SETD4: variants seen among roughly 807,000 people sequenced by gnomAD.
The protein encoded by SETD4 is SET domain containing 4.
In SETD4, 46 loss-of-function variants were observed where a neutral mutation model predicts 58.3. The ratio of observed to expected loss-of-function variants is 0.79; its 90% CI spans 0.62 to 1.01. The LOEUF is 1.01. SETD4 is among the 50% of genes least tolerant of loss of function. SETD4 has a pLI of 0.00. For missense variants in SETD4, 490 were observed against 523.3 expected (o/e 0.94, Z 0.62); for synonymous variants, 190 against 202.6 (o/e 0.94, Z 0.53).
intron 3 of SETD4, 126 bp downstream of exon 3, chr21:36,056,983 C>A (rs2123775160): frequency 1.3e-6 from 1 of 748,662 alleles, no homozygotes; most frequent in East Asian, 2.5e-5. Context: ...CTCCTCCAAC[C>A]CAAGGGGAAC....
chr21:36,048,953 C>T lies in SETD4; in HGVS notation c.208-557G>A, dbSNP rs8133402. Among the ~76,000 whole-genome samples, 1,049 of 152,142 alleles carry T rather than the reference C, an allele frequency of 6.9e-3. 6 individuals are homozygous for T. Among genetic ancestry groups the T allele is most frequent in the African/African-American group, 0.023 (971 of 41,482 alleles). ...CACTTTCTTATGCCAGGAAATAGTG[C>T]TACCAATAGTAAACAGACAGAAACT... On this transcript the variant is annotated intron_variant, in intron 4 of 11. Coordinates refer to ENST00000332131, the MANE Select transcript of SETD4 (RefSeq NM_017438.5).
At chr21:36,052,577 G>A (rs1258777573) in intron 4 of SETD4, among the ~76,000 whole-genome samples, 7 of 146,644 alleles carry the variant, frequency 4.8e-5, no homozygotes, top group African/African-American at 1.5e-4. Context: ...AAAAAAAAAG[G>A]ACGTTTTATC....
intron 9 of SETD4, 96 bp downstream of exon 9, chr21:36,040,479 G>T: frequency 3.1e-6 from 3 of 962,420 alleles, no homozygotes; most frequent in Admixed American, 3.6e-5. Flanking sequence ...CTCCCTGGCT[G>T]GGTATCTGAA....
At chr21:36,060,293 T>C (rs958716446) in intron 1 of SETD4, 54 bp downstream of exon 1, 7 of 306,976 alleles carry the variant, frequency 2.3e-5, no homozygotes, top group Non-Finnish European at 3.3e-5. Context: ...CCGCCGACTC[T>C]GCTCCCGTTA....
In SETD4 at chr21:36,045,996, T is replaced by A. The variant is rs775116373; in HGVS notation, c.312A>T (p.Pro104=). The change falls in exon 6 of 12, where the codon CCA becomes CCT. Residue 104 remains proline, a synonymous_variant. Coordinates refer to ENST00000332131, the MANE Select transcript of SETD4 (RefSeq NM_017438.5). The stretch of plus-strand genomic sequence containing the variant: ...AGGTGCACAGCGCCAGCAGAGGAGA[T>A]GGAGGAGGCTTCCACCTTTGAAAAT... The part of the protein sequence containing the change: ...GAYITKWKPP[P]SPLLALCTFL... 7 of 1,612,076 alleles carry A rather than the reference T, an allele frequency of 4.3e-6. No homozygotes were observed. Among genetic ancestry groups the A allele is most frequent in the Non-Finnish European group, 5.9e-6 (7 of 1,179,194 alleles).
At chr21:36,038,403 A>T in intron 9 of SETD4, 130 bp from the exon 10 acceptor site, 1 of 1,174,570 alleles carries the variant, frequency 8.5e-7, no homozygotes, top group Non-Finnish European at 1.2e-6. Context: ...CCATAAGCAG[A>T]TTCCCCAAAC....
chr21:36,052,774 G>A, intron 4 of SETD4: 1 of 152,140 alleles, frequency 6.6e-6, no homozygotes. Flanking sequence ...AAACCTTGGA[G>A]GCTGTCATTT....
intron 9 of SETD4, among the ~76,000 whole-genome samples, chr21:36,039,500 A>G (rs1454015202): frequency 6.6e-6 from 1 of 152,228 alleles, no homozygotes; most frequent in Non-Finnish European, 1.5e-5. Flanking sequence ...AAGCTAACAT[A>G]AGTACACACA....
At chr21:36,049,673 A>G (rs1202299040) in intron 4 of SETD4, among the ~76,000 whole-genome samples, 1 of 152,256 alleles carries the variant, frequency 6.6e-6, no homozygotes, top group African/African-American at 2.4e-5. Context: ...CCAACATCCT[A>G]TGATCTTTTG....
In SETD4 at chr21:36,051,272, C is replaced by CA. The variant is rs1462804074; in HGVS notation, c.207+2310dup. 1.3e-5 allele frequency: 21 copies of CA among 1,595,218 alleles called. No homozygotes were observed. In the African/African-American group the frequency reaches 2.8e-4, roughly 21 times the overall value. On this transcript the variant is annotated intron_variant, in intron 4 of 11. Transcript: ENST00000332131. Reference sequence around the variant, plus strand: ...TAAGTGCAAGTTCCAGCTCTGTTGACAGTGACCCTGAAAGCATGGAGCGAG... The same window carrying CA: ...TAAGTGCAAGTTCCAGCTCTGTTGACAAGTGACCCTGAAAGCATGGAGCGAG...
intron 4 of SETD4, among the ~76,000 whole-genome samples, chr21:36,052,575 A>G (rs2064770764): frequency 6.6e-6 from 1 of 150,802 alleles, no homozygotes; most frequent in South Asian, 2.1e-4. Context: ...AAAAAAAAAA[A>G]GGACGTTTTA....
chr21:36,051,279 C>A (rs575368356), intron 4 of SETD4: 3 of 1,593,576 alleles, frequency 1.9e-6, no homozygotes, highest in East Asian at 4.5e-5. Context: ...TGACAGTGAC[C>A]CTGAAAGCAT....
At chr21:36,056,712 C>A (rs569716300) in intron 3 of SETD4, among the ~76,000 whole-genome samples, 1 of 152,074 alleles carries the variant, frequency 6.6e-6, no homozygotes, top group East Asian at 1.9e-4. Context: ...GGCACACCAC[C>A]GCGCCTGGCT....
intron 10 of SETD4, among the ~76,000 whole-genome samples, chr21:36,037,414 G>A (rs915270615): frequency 6.6e-6 from 1 of 151,840 alleles, no homozygotes; most frequent in Non-Finnish European, 1.5e-5. Flanking sequence ...AGACTAGCCT[G>A]CCCAACATGG....
intron 5 of SETD4, among the ~76,000 whole-genome samples, chr21:36,046,497 T>G (rs1282981742): frequency 6.6e-6 from 1 of 152,222 alleles, no homozygotes; most frequent in Non-Finnish European, 1.5e-5. Context: ...TATTTAAAAT[T>G]CAATCCCTTG....
chr21:36,040,976 C>T (rs972965899), intron 8 of SETD4, among the ~76,000 whole-genome samples: 18 of 151,840 alleles, frequency 1.2e-4, no homozygotes, highest in South Asian at 2.1e-4. Flanking sequence ...CTGGCTAACA[C>T]GGTGAAACCC....
intron 7 of SETD4, 70 bp from the exon 8 acceptor site, chr21:36,041,958 T>A: frequency 1.3e-6 from 1 of 775,120 alleles, no homozygotes; most frequent in Non-Finnish European, 2.0e-6. Context: ...CCTTCCCTTC[T>A]CAACTCACTT....
intron 6 of SETD4, among the ~76,000 whole-genome samples, chr21:36,045,277 C>A (rs1601228772): frequency 6.6e-6 from 1 of 152,086 alleles, no homozygotes; most frequent in Non-Finnish European, 1.5e-5. Flanking sequence ...GAAGGAGGAA[C>A]GAGGGAGAAG....
chr21:36,050,002 A>G (rs2064560420), intron 4 of SETD4, among the ~76,000 whole-genome samples: 1 of 152,218 alleles, frequency 6.6e-6, no homozygotes, highest in East Asian at 1.9e-4. Context: ...AATGGTTAAG[A>G]TGGTAAGTTT....
Sources: gnomAD v4.1 joint callset for allele counts (sites outside exome capture counted in the v4.1 genomes callset) on GRCh38, gnomAD v4.1.1 for gene constraint, MANE v1.5 for transcripts, NCBI Gene and HGNC (gene_info 2026-07-23, HGNC 2026-07-21) for gene names.